The following KATNIP variants were observed in gnomAD, a reference collection of about 807,000 sequenced individuals.
KATNIP encodes katanin-interacting protein.
A neutral mutation model predicts 174.0 loss-of-function variants in KATNIP; 126 were observed. That is an observed-to-expected ratio of 0.72 (90% CI 0.63 to 0.84). The LOEUF (loss-of-function observed/expected upper bound fraction) is 0.84. Ranked by LOEUF, KATNIP falls within the 40% of genes least tolerant of loss-of-function variation. The pLI is 0.00. For synonymous variants in KATNIP, 810 were observed against 835.7 expected, an observed-to-expected ratio of 0.97 and a Z score of 0.53; for missense variants, 1,958 against 2,109.7, an observed-to-expected ratio of 0.93 and a Z score of 1.41.
intron 14 of KATNIP, among the ~76,000 whole-genome samples, chr16:27,730,058 C>G (rs1296222384): frequency 6.6e-6 from 1 of 152,238 alleles, no homozygotes; most frequent in Non-Finnish European, 1.5e-5. Flanking sequence ...CATGCCCAGG[C>G]AGGGGAGGCC....
At chr16:27,592,233 T>A (rs2075192999) in intron 2 of KATNIP, among the ~76,000 whole-genome samples, 1 of 148,920 alleles carries the variant, frequency 6.7e-6, no homozygotes, top group South Asian at 2.1e-4. Context: ...TTATTTACCA[T>A]GGGCCAGGCA....
At chr16:27,771,055 C>T (rs1289945493) in intron 21 of KATNIP, among the ~76,000 whole-genome samples, 1 of 152,190 alleles carries the variant, frequency 6.6e-6, no homozygotes, top group Non-Finnish European at 1.5e-5. Context: ...TCCTGGAGGC[C>T]TTCCCAGAGC....
intron 19 of KATNIP, among the ~76,000 whole-genome samples, chr16:27,763,309 A>G (rs1028167168): frequency 9.9e-5 from 15 of 151,370 alleles, no homozygotes; most frequent in Admixed American, 2.6e-4. Context: ...AAAATAAAAA[A>G]TAAATAAAAA....
At chr16:27,698,540 T>C (rs1452342131) in intron 9 of KATNIP, 40 bp downstream of exon 9, 3 of 1,556,784 alleles carry the variant, frequency 1.9e-6, no homozygotes, top group South Asian at 2.4e-5. Flanking sequence ...GGATGCTCCC[T>C]GGACTGGGCA....
rs2077031124 is a variant in KATNIP, at chr16:27,648,613, C to T, written c.418C>T (p.Gln140Ter). 1.9e-6 allele frequency: 3 copies of T among 1,614,012 alleles called. No homozygotes were observed. Among genetic ancestry groups the T allele is most frequent in the Non-Finnish European group, 2.5e-6 (3 of 1,180,004 alleles). Residue 140 changes from glutamine to a stop codon, truncating the protein, a stop_gained, in exon 6 of 28, where the codon CAG becomes TAG. Coordinates refer to ENST00000261588, the MANE Select transcript of KATNIP (RefSeq NM_015202.5). LOFTEE classifies it high-confidence loss of function. ...QRRGWHQKSVQIRTEAGPRLH... is the reference protein window; with the variant it reads ...QRRGWHQKSV The stretch of plus-strand genomic sequence containing the variant: ...CTGCATTTTTGTACAGAAATCTGTG[C>T]AGATCAGAACAGAAGCTGGCCCACG...
At chr16:27,739,599 C>G (rs2081025247) in intron 14 of KATNIP, among the ~76,000 whole-genome samples, 1 of 152,148 alleles carries the variant, frequency 6.6e-6, no homozygotes, top group South Asian at 2.1e-4. Context: ...CGCAGATGGT[C>G]TCAGGAACTG....
rs1332108011 is a variant in KATNIP at position 27,777,490 on chromosome 16, T to C, written c.4552-120T>C. 1.5e-5 allele frequency: 14 copies of C among 914,594 alleles called. No individual in the cohort carries two copies. The African/African-American group carries it at 2.0e-4, about 13-fold the overall frequency. 56.7% of individuals were successfully genotyped at this position (914,594 alleles called of 1,614,324 possible). On this transcript the variant is annotated intron_variant, in intron 25 of 27. Transcript: ENST00000261588. This position sits in a 1 kb window ranked among gnomAD's most constrained non-coding sequence, Gnocchi z 4.4. ...AGACACAGCACACAGTAGGCGCTTG[T>C]TCCTGACAGCCCCGTCTTCCCGAGG...
At position 27,737,586 on chromosome 16, in the gene KATNIP, G is replaced by A. The variant is rs145083986; in HGVS notation, c.1744-2455G>A. On this transcript the variant is annotated intron_variant, in intron 14 of 27. Coordinates refer to ENST00000261588, the MANE Select transcript of KATNIP (RefSeq NM_015202.5). ...CGGGAGGCCTAGGACTGAGCCCTGG[G>A]CAGCCTAGTCGTTCAAAGTGCAGCC... 1.3e-3 allele frequency among the ~76,000 whole-genome samples: 200 copies of A among 152,204 alleles called. 1 individual carries two copies. The highest frequency in any genetic ancestry group is 4.6e-3 in the African/African-American group (193 of 41,526).
At chr16:27,774,561 G>T (rs1026895043) in intron 23 of KATNIP, among the ~76,000 whole-genome samples, 14 of 152,246 alleles carry the variant, frequency 9.2e-5, no homozygotes, top group Non-Finnish European at 2.1e-4. Flanking sequence ...ATACTCACAT[G>T]CCAGGGTAGA....
At chr16:27,751,956 C>A (rs1436280779) in intron 17 of KATNIP, 32 bp downstream of exon 17, 32 of 1,555,704 alleles carry the variant, frequency 2.1e-5, no homozygotes, top group Non-Finnish European at 2.8e-5. Flanking sequence ...TGTGGGGGGA[C>A]CCCCAGATAG....
At chr16:27,600,818 C>T (rs2075498449) in intron 2 of KATNIP, among the ~76,000 whole-genome samples, 2 of 151,988 alleles carry the variant, frequency 1.3e-5, no homozygotes, top group African/African-American at 2.4e-5. Context: ...CAACCTCCGC[C>T]TCCCAGATTC....
At chr16:27,609,898 G>T (rs919219212) in intron 2 of KATNIP, among the ~76,000 whole-genome samples, 5 of 152,184 alleles carry the variant, frequency 3.3e-5, no homozygotes, top group African/African-American at 1.2e-4. Context: ...CACCATGTTG[G>T]CCAGTGGGTT....
chr16:27,758,986 C>T (rs1246198268), intron 18 of KATNIP, among the ~76,000 whole-genome samples: 1 of 152,182 alleles, frequency 6.6e-6, no homozygotes, highest in African/African-American at 2.4e-5. Flanking sequence ...AGTAGATGAC[C>T]AATAAATATT....
chr16:27,587,033 G>A (rs1029373798), intron 2 of KATNIP, among the ~76,000 whole-genome samples: 2 of 151,646 alleles, frequency 1.3e-5, no homozygotes, highest in African/African-American at 4.8e-5. Flanking sequence ...GAACGGTCCC[G>A]GGCAGGCAAG....
chr16:27,628,844 C>T lies in KATNIP; in HGVS notation c.310+14C>T. The T allele has an allele frequency of 1.2e-6, 2 of 1,613,524 alleles. No homozygotes were observed. The highest frequency in any genetic ancestry group is 1.7e-6 in the Non-Finnish European group (2 of 1,179,710). ...AGGGGACACACGGTGAGCACAGGCC[C>T]TCCAGGCTGAGTCTCAGCTCTGTTA... On this transcript the variant is annotated intron_variant, in intron 4 of 27. Coordinates refer to ENST00000261588, the MANE Select transcript of KATNIP (RefSeq NM_015202.5).
At chr16:27,626,268 T>C (rs2076331092) in intron 3 of KATNIP, among the ~76,000 whole-genome samples, 1 of 150,930 alleles carries the variant, frequency 6.6e-6, no homozygotes, top group African/African-American at 2.4e-5. Context: ...ATCTGTGTAA[T>C]AGCAGCTTCC....
At chr16:27,752,170 G>A (rs2081546797) in intron 17 of KATNIP, among the ~76,000 whole-genome samples, 1 of 151,950 alleles carries the variant, frequency 6.6e-6, no homozygotes, top group African/African-American at 2.4e-5. Context: ...AAAGCCAGGA[G>A]AAATGAGCTC....
intron 1 of KATNIP, among the ~76,000 whole-genome samples, chr16:27,563,428 G>A (rs1445538204): frequency 6.6e-6 from 1 of 152,184 alleles, no homozygotes; most frequent in Non-Finnish European, 1.5e-5. Flanking sequence ...CCACTTGGGT[G>A]TATCGCTTGA....
chr16:27,673,708 G>T (rs1207422688), intron 6 of KATNIP, among the ~76,000 whole-genome samples: 1 of 152,180 alleles, frequency 6.6e-6, no homozygotes, highest in Admixed American at 6.5e-5. Context: ...GATGTCCCCT[G>T]GAGTTGGGTG....
Sources: gnomAD v4.1 joint callset for allele counts (sites outside exome capture counted in the v4.1 genomes callset) on GRCh38, gnomAD v4.1.1 for gene constraint, Gnocchi (gnomAD v3.1) non-coding constraint, MANE v1.5 for transcripts, NCBI Gene and HGNC (gene_info 2026-07-23, HGNC 2026-07-21) for gene names.